The following RBM20 variants were observed in gnomAD, a reference collection of about 807,000 sequenced individuals.
RBM20 encodes RNA-binding protein 20.
RBM20 carries 51 observed loss-of-function variants against 110.1 expected under a neutral mutation model. The observed-to-expected ratio is 0.46, with a 90% CI of 0.37 to 0.59. The LOEUF (loss-of-function observed/expected upper bound fraction) is 0.59, where lower values mean the gene tolerates loss of function less well. Ranked by LOEUF, RBM20 falls within the 20% of genes least tolerant of loss-of-function variation. The pLI is 0.00. For missense variants in RBM20, 1,512 were observed against 1,574.9 expected (o/e 0.96, Z 0.68); for synonymous variants, 589 against 618.2 (o/e 0.95, Z 0.70).
At chr10:110,828,236 G>T (rs746033464) in intron 12 of RBM20, among the ~76,000 whole-genome samples, 2 of 152,190 alleles carry the variant, frequency 1.3e-5, no homozygotes, top group African/African-American at 2.4e-5. Flanking sequence ...GGACTGAGTG[G>T]CTCCAGAACA....
chr10:110,733,482 C>T (rs1843639754), intron 1 of RBM20, among the ~76,000 whole-genome samples: 1 of 152,208 alleles, frequency 6.6e-6, no homozygotes, highest in South Asian at 2.1e-4. Flanking sequence ...GATAAATGAT[C>T]TCTGGGTACA....
At chr10:110,793,903 A>G (rs956191292) in intron 5 of RBM20, among the ~76,000 whole-genome samples, 3 of 152,242 alleles carry the variant, frequency 2.0e-5, no homozygotes, top group African/African-American at 7.2e-5. Context: ...AATAATGTTT[A>G]GCCCCCTGCT....
At chr10:110,763,751 C>CCTTTTTTTTTTTTTTTTTT (rs1554896903) in intron 1 of RBM20, among the ~76,000 whole-genome samples, 1 of 64,394 alleles carries the variant, frequency 1.6e-5, no homozygotes, top group Non-Finnish European at 2.9e-5. Flanking sequence ...GGCTTCTTGG[C>CCTTTTTTTTTTTTTTTTTT]TTTTTTTTTT....
intron 1 of RBM20, among the ~76,000 whole-genome samples, chr10:110,714,208 T>G (rs568353774): frequency 7.9e-5 from 12 of 152,058 alleles, no homozygotes; most frequent in South Asian, 6.3e-4. Flanking sequence ...AAGAAAAGAG[T>G]GTTCCCTGAC....
chr10:110,804,693 C>T (rs1275747217), intron 7 of RBM20, among the ~76,000 whole-genome samples: 1 of 152,188 alleles, frequency 6.6e-6, no homozygotes, highest in African/African-American at 2.4e-5. Flanking sequence ...AGTGAGTAGC[C>T]TTCTTCCTGC....
At chr10:110,778,850 G>A (rs1177493266) in intron 1 of RBM20, among the ~76,000 whole-genome samples, 1 of 152,196 alleles carries the variant, frequency 6.6e-6, no homozygotes, top group African/African-American at 2.4e-5. Context: ...ACTGATTTTT[G>A]GTCCAGAAAC....
In RBM20 at chr10:110,655,290, C is replaced by T. The variant is rs183285172; in HGVS notation, c.191+10645C>T. Reference sequence around the variant, plus strand: ...CCCCCACCCCCGCCCTTTTTTTTCCCCTTAAAACTTTAAGTACAGCTTTGG... The same window carrying T: ...CCCCCACCCCCGCCCTTTTTTTTCCTCTTAAAACTTTAAGTACAGCTTTGG... On this transcript the variant is annotated intron_variant, in intron 1 of 13. Coordinates refer to ENST00000369519, the MANE Select transcript of RBM20 (RefSeq NM_001134363.3). Among the ~76,000 whole-genome samples the T allele has an allele frequency of 2.5e-3, 322 of 127,092 alleles. 2 individuals carry two copies. Among genetic ancestry groups the T allele is most frequent in the African/African-American group, 9.2e-3 (311 of 33,902 alleles). 83.4% of individuals were successfully genotyped at this position (127,092 alleles called of 152,430 possible). A position where few individuals can be genotyped will look rare whatever the true frequency, so the allele number is the denominator to read the frequency against.
At chr10:110,656,367 C>G (rs1430931029) in intron 1 of RBM20, among the ~76,000 whole-genome samples, 1 of 152,112 alleles carries the variant, frequency 6.6e-6, no homozygotes, top group Non-Finnish European at 1.5e-5. Context: ...TTATCTTTCC[C>G]TCTTCTCCTT....
At chr10:110,643,855 C>T (rs1358206577), upstream of RBM20, among the ~76,000 whole-genome samples, 2 of 152,202 alleles carry the variant, frequency 1.3e-5, no homozygotes, top group Non-Finnish European at 2.9e-5. Flanking sequence ...GGGCTCCAGC[C>T]GCGAGCAGAT....
At chr10:110,668,712 A>G (rs1675742480) in intron 1 of RBM20, among the ~76,000 whole-genome samples, 1 of 152,056 alleles carries the variant, frequency 6.6e-6, no homozygotes, top group Admixed American at 6.5e-5. Flanking sequence ...CCTCTTTGAA[A>G]TCTTTTTCAT....
chr10:110,780,695 G>A, intron 1 of RBM20, 106 bp from the exon 2 acceptor site: 1 of 1,293,214 alleles, frequency 7.7e-7, no homozygotes, highest in Non-Finnish European at 1.0e-6. Context: ...GACCAGTGTG[G>A]GAAGGTCTTG....
chr10:110,727,229 G>A (rs1218783319), intron 1 of RBM20, among the ~76,000 whole-genome samples: 1 of 143,710 alleles, frequency 7.0e-6, no homozygotes, highest in African/African-American at 2.6e-5. Context: ...TGTGTTTCTG[G>A]GATACAGCAT....
intron 7 of RBM20, among the ~76,000 whole-genome samples, chr10:110,802,153 T>C (rs1186162588): frequency 1.3e-5 from 2 of 152,224 alleles, no homozygotes; most frequent in Non-Finnish European, 2.9e-5. Flanking sequence ...TCATTCCACA[T>C]TGACTTAGGG....
At chr10:110,678,268 G>A (rs941669839) in intron 1 of RBM20, among the ~76,000 whole-genome samples, 2 of 152,114 alleles carry the variant, frequency 1.3e-5, no homozygotes, top group Non-Finnish European at 2.9e-5. Context: ...ATGTAATTAT[G>A]CAAAAAAATG....
At chr10:110,749,165 A>G (rs564204447) in intron 1 of RBM20, among the ~76,000 whole-genome samples, 3 of 152,388 alleles carry the variant, frequency 2.0e-5, no homozygotes, top group Non-Finnish European at 2.9e-5. Context: ...AACCTAGCCA[A>G]TGCAGTAAGA....
chr10:110,734,267 A>G (rs567116202), intron 1 of RBM20, among the ~76,000 whole-genome samples: 1 of 152,314 alleles, frequency 6.6e-6, no homozygotes, highest in South Asian at 2.1e-4. Context: ...TGTTGAGCAA[A>G]AGGATGGTGA....
At chr10:110,749,799 T>C (rs1843829469) in intron 1 of RBM20, among the ~76,000 whole-genome samples, 1 of 151,860 alleles carries the variant, frequency 6.6e-6, no homozygotes, top group African/African-American at 2.4e-5. Context: ...TAGCTTTCTA[T>C]AAAAAAAGAT....
At position 110,781,590 on chromosome 10, in the gene RBM20, C is replaced by A; in HGVS notation, c.981C>A (p.Gly327=). 1 of 1,551,592 alleles carries A rather than the reference C, an allele frequency of 6.4e-7. No individual in the cohort carries two copies. ...SQWESPHGFS[G]QSKPDLTAGP... ...GGGAGAGCCCCCATGGATTCTCGGG[C>A]CAAAGCAAGCCTGATCTCACAGCAG... The change falls in exon 2 of 14, where the codon GGC becomes GGA. Residue 327 remains glycine (G), a synonymous_variant. Transcript: ENST00000369519.
In RBM20 at chr10:110,812,311, G is replaced by A. The variant is rs74339620; in HGVS notation, c.1914G>A (p.Pro638=). 3.3e-3 allele frequency: 5,061 copies of A among 1,550,238 alleles called. 158 individuals are homozygous for A. In the African/African-American group the frequency reaches 0.061, roughly 19 times the overall value. ...YGPERPRSRS[P]VSRSLSPRSH... is the part of the protein sequence containing the mutation. ...CAGAAAGGCCGCGGTCTCGTAGTCC[G>A]GTGAGCCGGTCACTCTCCCCGAGGT... is the stretch of plus-strand genomic sequence containing the variant. Residue 638 remains proline (P), a synonymous_variant, in exon 9 of 14, where the codon CCG becomes CCA. Transcript: ENST00000369519.
Sources: allele counts gnomAD v4.1 joint callset (sites outside exome capture counted in the v4.1 genomes callset), GRCh38; gene constraint gnomAD v4.1.1; transcripts MANE v1.5; gene names NCBI Gene and HGNC (gene_info 2026-07-23, HGNC 2026-07-21).